RNF145: variants seen among roughly 807,000 people sequenced by gnomAD.
RNF145 encodes the protein ring finger protein 145.
Under a neutral mutation model 57.3 loss-of-function variants are expected in RNF145, and 12 were observed. The ratio of observed to expected loss-of-function variants is 0.21; its 90% CI spans 0.13 to 0.34. The LOEUF (loss-of-function observed/expected upper bound fraction) is 0.34. Ranked by LOEUF, RNF145 falls within the 10% of genes least tolerant of loss-of-function variation. RNF145 has a pLI of 1.00. For synonymous variants in RNF145, 262 were observed against 288.3 expected (o/e 0.91, Z 0.92); for missense variants, 429 against 799.0 (o/e 0.54, Z 5.58).
chr5:159,161,718 G>A (rs532569671), intron 9 of RNF145, 96 bp from the exon 10 acceptor site: 1 of 737,482 alleles, frequency 1.4e-6, no homozygotes, highest in Non-Finnish European at 2.3e-6. Context: ...GATGTTTTTA[G>A]GGTGCAATAT....
intron 10 of RNF145, among the ~76,000 whole-genome samples, chr5:159,160,110 G>T (rs190453314): frequency 6.6e-6 from 1 of 152,052 alleles, no homozygotes; most frequent in Non-Finnish European, 1.5e-5. Flanking sequence ...AGACATCAGC[G>T]GCTGAAGCTG....
At chr5:159,201,030 C>G (rs1785643635) in intron 2 of RNF145, among the ~76,000 whole-genome samples, 1 of 152,048 alleles carries the variant, frequency 6.6e-6, no homozygotes, top group Non-Finnish European at 1.5e-5. Flanking sequence ...AATAGTAAAA[C>G]CCTATGGAAA....
At chr5:159,178,081 C>T (rs1034481355) in intron 4 of RNF145, among the ~76,000 whole-genome samples, 1 of 151,828 alleles carries the variant, frequency 6.6e-6, no homozygotes, top group African/African-American at 2.4e-5. Context: ...AATAGTCAAA[C>T]CATTTTTTTT....
intron 3 of RNF145, among the ~76,000 whole-genome samples, chr5:159,193,186 G>A (rs918714340): frequency 3.3e-5 from 5 of 152,182 alleles, no homozygotes; most frequent in African/African-American, 1.2e-4. Flanking sequence ...TGCAAAACGG[G>A]GAATGTCACT....
Position 159,158,371 on chromosome 5 carries a change from A to T in RNF145, c.*299T>A. The T allele has an allele frequency of 2.9e-6, 1 of 341,432 alleles. No individual in the cohort carries two copies. The highest frequency in any genetic ancestry group is 5.5e-6 in the Non-Finnish European group (1 of 182,610). 21.2% of individuals were successfully genotyped at this position (341,432 alleles called of 1,614,324 possible). On this transcript the variant is annotated 3_prime_UTR_variant, in exon 11 of 11. Coordinates refer to ENST00000424310, the MANE Select transcript of RNF145 (RefSeq NM_001199383.2). The stretch of plus-strand genomic sequence containing the variant: ...CAAAATCTGATTTTATTTCTCTCTC[A>T]CACGTATCAGGGGCAGTTTCTGAAG...
chr5:159,205,456 A>G (rs1785843854), intron 1 of RNF145, among the ~76,000 whole-genome samples: 1 of 152,226 alleles, frequency 6.6e-6, no homozygotes, highest in Non-Finnish European at 1.5e-5. Flanking sequence ...AAAATACACC[A>G]AAACATTCAC....
intron 2 of RNF145, among the ~76,000 whole-genome samples, chr5:159,195,411 C>A (rs1004752344): frequency 6.6e-6 from 1 of 152,106 alleles, no homozygotes; most frequent in Non-Finnish European, 1.5e-5. Flanking sequence ...TTGAAAAGAT[C>A]TATACCCAAT....
At chr5:159,169,858 T>G (rs967414238) in intron 6 of RNF145, 39 bp from the exon 7 acceptor site, 2 of 1,545,232 alleles carry the variant, frequency 1.3e-6, no homozygotes, top group African/African-American at 2.8e-5. Context: ...ACATAAACTT[T>G]CCATTTGGAG....
At chr5:159,206,090 C>G (rs1018633193) in intron 1 of RNF145, among the ~76,000 whole-genome samples, 1 of 152,030 alleles carries the variant, frequency 6.6e-6, no homozygotes, top group African/African-American at 2.4e-5. Flanking sequence ...TAATAAGAAA[C>G]AGAAAACAGG....
At position 159,158,551 on chromosome 5, in the gene RNF145, T is replaced by C. The variant is rs1784112690; in HGVS notation, c.*119A>G. ...TGAGAGTACTTCCTGGATTAGATCC[T>C]TGGAATGTCAGTTTCCTGCCTGATC... On this transcript the variant is annotated 3_prime_UTR_variant, in exon 11 of 11. Transcript: ENST00000424310. The C allele has an allele frequency of 3.1e-6, 4 of 1,294,312 alleles. No homozygotes were observed. In the Admixed American group the frequency reaches 8.7e-5, roughly 28 times the overall value. The allele number at this position is 1,294,312 out of a possible 1,614,324, so 80.2% of individuals were successfully genotyped here. A position where few individuals can be genotyped will look rare whatever the true frequency, so the allele number is the denominator to read the frequency against.
intron 4 of RNF145, among the ~76,000 whole-genome samples, chr5:159,181,621 A>T (rs908614730): frequency 1.3e-5 from 2 of 152,140 alleles, no homozygotes. Context: ...GGCTTTCAAC[A>T]GCAATAAGTA....
intron 4 of RNF145, 126 bp downstream of exon 4, chr5:159,181,834 T>C (rs1364812641): frequency 3.3e-6 from 2 of 606,026 alleles, no homozygotes; most frequent in Non-Finnish European, 6.0e-6. Context: ...TGGGTATATG[T>C]GGGAAAAGTC....
intron 2 of RNF145, among the ~76,000 whole-genome samples, chr5:159,199,467 A>G (rs1000513138): frequency 1.3e-5 from 2 of 152,102 alleles, no homozygotes; most frequent in Admixed American, 1.3e-4. Context: ...TAGAATTAGG[A>G]CATAAATGAG....
At position 159,194,816 on chromosome 5, in the gene RNF145, A is replaced by C; in HGVS notation, c.193T>G (p.Leu65Val). 1 of 1,601,364 alleles carries C rather than the reference A, an allele frequency of 6.2e-7. No homozygotes were observed. The highest frequency in any genetic ancestry group is 8.5e-7 in the Non-Finnish European group (1 of 1,171,466). Reference sequence around the variant, plus strand: ...GGCAATGTTAGCAGCACCACACTTAAGATATAACCTGTACCAGAAAGATAA... The same window carrying C: ...GGCAATGTTAGCAGCACCACACTTACGATATAACCTGTACCAGAAAGATAA... ...ALNMHYVGYI[L>V]SVVLLTLPRQ... Residue 65 changes from leucine to valine, a missense_variant, in exon 3 of 11, where the codon TTA (leucine) becomes GTA (valine). Around this residue, in one of 4 missense-constraint regions of RNF145, gnomAD observed 109 missense variants for 207.2 expected, o/e 0.53. Coordinates refer to ENST00000424310, the MANE Select transcript of RNF145 (RefSeq NM_001199383.2).
At chr5:159,166,676 T>C (rs1345711101) in intron 8 of RNF145, among the ~76,000 whole-genome samples, 1 of 152,240 alleles carries the variant, frequency 6.6e-6, no homozygotes, top group East Asian at 1.9e-4. Context: ...TCTATTCCAC[T>C]GGTCTACCTT....
At chr5:159,207,693 CAT>C (rs938024799) in intron 1 of RNF145, 144 of 1,612,048 alleles carry the variant, frequency 8.9e-5, no homozygotes, top group East Asian at 1.6e-4. Flanking sequence ...AGCAATGGCA[CAT>C]GTTTTAAATA....
chr5:159,160,969 A>C (rs1784196473), intron 10 of RNF145, among the ~76,000 whole-genome samples: 2 of 152,176 alleles, frequency 1.3e-5, no homozygotes, highest in African/African-American at 4.8e-5. Flanking sequence ...AGTCCGTGTG[A>C]GTGTGTATTC....
Position 159,161,358 on chromosome 5 carries a change from G to A in RNF145, c.1534C>T (p.Arg512Cys), listed in dbSNP as rs749109573. The change falls in exon 10 of 11, where the codon CGC becomes TGC. Residue 512 changes from arginine to cysteine, a missense_variant. By Grantham distance (180) the Arg-to-Cys change is radical. Transcript: ENST00000424310. ...TTAATCTTATTCACAGCATCCCTGC[G>A]GAGAAGAAAGCTCTTCCACCCCAGC... ...AQLGWKSFLL[R>C]RDAVNKIKSL... The A allele has an allele frequency of 1.2e-6, 2 of 1,614,042 alleles. No individual in the cohort carries two copies. Among genetic ancestry groups the A allele is most frequent in the Admixed American group, 1.7e-5 (1 of 60,018 alleles).
chr5:159,177,376 A>G (rs17720062), intron 4 of RNF145, among the ~76,000 whole-genome samples: 18,322 of 152,090 alleles, frequency 0.12, 1,444 homozygotes, highest in South Asian at 0.2. Context: ...TAACTAAATC[A>G]TAAGTTAAAA....
Sources: gnomAD v4.1 joint callset for allele counts (sites outside exome capture counted in the v4.1 genomes callset) on GRCh38, gnomAD v4.1.1 for gene constraint, gnomAD v4.1.1 regional missense constraint, MANE v1.5 for transcripts, NCBI Gene and HGNC (gene_info 2026-07-23, HGNC 2026-07-21) for gene names.